Variants in USH2A observed in about 807,000 individuals in gnomAD.
USH2A encodes the protein Usher syndrome 2A (autosomal recessive, mild).
A neutral mutation model predicts 538.9 loss-of-function variants in USH2A; 443 were observed. The observed-to-expected ratio is 0.82, with a 90% CI of 0.76 to 0.89. USH2A has a LOEUF of 0.89. USH2A is among the 40% of genes least tolerant of loss of function. USH2A has a pLI of 0.00. For missense variants in USH2A, 6,633 were observed against 6,324.8 expected, an observed-to-expected ratio of 1.05 and a Z score of -1.65; for synonymous variants, 2,413 against 2,273.5, an observed-to-expected ratio of 1.06 and a Z score of -1.75.
At chr1:216,178,203 A>G (rs942696907) in intron 20 of USH2A, among the ~76,000 whole-genome samples, 1 of 152,222 alleles carries the variant, frequency 6.6e-6, no homozygotes, top group African/African-American at 2.4e-5. Flanking sequence ...TCATCAAGTT[A>G]GAAGGATAAT....
At chr1:215,950,938 T>C (rs1265559723) in intron 37 of USH2A, among the ~76,000 whole-genome samples, 1 of 152,208 alleles carries the variant, frequency 6.6e-6, no homozygotes, top group African/African-American at 2.4e-5. Context: ...TTGATTCTTC[T>C]CTCTTTTCTT....
intron 4 of USH2A, among the ~76,000 whole-genome samples, chr1:216,353,793 C>T (rs1022742396): frequency 2.6e-5 from 4 of 152,012 alleles, no homozygotes; most frequent in African/African-American, 9.7e-5. Flanking sequence ...AATCTAACAA[C>T]CAAAACAAGC....
intron 4 of USH2A, among the ~76,000 whole-genome samples, chr1:216,334,146 T>C (rs1212197837): frequency 6.6e-6 from 1 of 152,084 alleles, no homozygotes; most frequent in Non-Finnish European, 1.5e-5. Context: ...AATAATTATA[T>C]ATCTGTGTTG....
At chr1:216,074,508 CATATG>C (rs915334693) in intron 27 of USH2A, among the ~76,000 whole-genome samples, 5 of 152,220 alleles carry the variant, frequency 3.3e-5, no homozygotes, top group African/African-American at 9.6e-5. Flanking sequence ...CCTCAGCATT[CATATG>C]ATGTCTTATT....
chr1:215,994,976 G>A (rs995904986), intron 34 of USH2A, among the ~76,000 whole-genome samples: 1 of 152,044 alleles, frequency 6.6e-6, no homozygotes, highest in Non-Finnish European at 1.5e-5. Context: ...GCATTTTTCA[G>A]ATTTTTTTTC....
intron 61 of USH2A, among the ~76,000 whole-genome samples, chr1:215,710,415 A>G (rs985330719): frequency 2.0e-5 from 3 of 152,178 alleles, no homozygotes; most frequent in African/African-American, 7.2e-5. Context: ...AACTATGGCT[A>G]CTTCCACACT....
chr1:216,310,146 T>C (rs2037392593), intron 9 of USH2A, among the ~76,000 whole-genome samples: 2 of 152,154 alleles, frequency 1.3e-5, no homozygotes, highest in Non-Finnish European at 2.9e-5. Context: ...CTCAAAGTAG[T>C]TACTGGCATA....
intron 21 of USH2A, among the ~76,000 whole-genome samples, chr1:216,126,222 GTT>G (rs2033250839): frequency 3.3e-5 from 5 of 151,306 alleles, no homozygotes; most frequent in African/African-American, 1.2e-4. Flanking sequence ...TGTTGTTGTT[GTT>G]TTGTTTTTGT....
chr1:215,817,296 T>A lies in USH2A; in HGVS notation c.9372-101A>T, dbSNP rs545160736. 36 of 538,680 alleles carry A rather than the reference T, an allele frequency of 6.7e-5. 1 individual carries two copies. In the South Asian group the frequency reaches 1.3e-3, roughly 19 times the overall value. 33.4% of individuals were successfully genotyped at this position (538,680 alleles called of 1,614,324 possible). On this transcript the variant is annotated intron_variant, in intron 47 of 71. Transcript: ENST00000307340. ...TGGCAGCAATAGATACTAATATATA[T>A]ATATAATTATATATGTTTATATATG...
chr1:215,638,412 GAGTTCGAGACCT>G (rs1448693670), intron 69 of USH2A, among the ~76,000 whole-genome samples: 4 of 152,008 alleles, frequency 2.6e-5, no homozygotes, highest in Non-Finnish European at 5.9e-5. Flanking sequence ...CTGTGGTCAG[GAGTTCGAGACCT>G]CCCTGGCCAA....
intron 21 of USH2A, among the ~76,000 whole-genome samples, chr1:216,154,900 C>G (rs1261269497): frequency 7.1e-6 from 1 of 140,726 alleles, no homozygotes; most frequent in African/African-American, 2.7e-5. Flanking sequence ...TGTGTGCCAG[C>G]CTTTTGTATG....
intron 4 of USH2A, among the ~76,000 whole-genome samples, chr1:216,332,933 C>T (rs914002913): frequency 1.3e-5 from 2 of 151,940 alleles, no homozygotes; most frequent in Non-Finnish European, 2.9e-5. Context: ...ATGGCATATG[C>T]AAAGAAACTC....
intron 41 of USH2A, among the ~76,000 whole-genome samples, chr1:215,881,386 T>C (rs984773669): frequency 2.6e-5 from 4 of 152,166 alleles, no homozygotes; most frequent in African/African-American, 9.6e-5. Context: ...GTGATCCACC[T>C]GCCTTTGCCT....
intron 14 of USH2A, among the ~76,000 whole-genome samples, chr1:216,220,183 A>G (rs570842495): frequency 2.6e-5 from 4 of 152,060 alleles, no homozygotes; most frequent in African/African-American, 7.2e-5. Flanking sequence ...GATATATCCC[A>G]AGATATATAG....
chr1:215,635,327 C>T (rs1050172257), intron 69 of USH2A, among the ~76,000 whole-genome samples: 2 of 152,172 alleles, frequency 1.3e-5, no homozygotes, highest in Admixed American at 6.5e-5. Flanking sequence ...CCCAAATGCA[C>T]TGGGAAAGCT....
At chr1:215,749,996 T>C (rs1269616974) in intron 58 of USH2A, among the ~76,000 whole-genome samples, 6 of 151,914 alleles carry the variant, frequency 3.9e-5, no homozygotes, top group Non-Finnish European at 8.8e-5. Flanking sequence ...TTTTTCTCCA[T>C]GGCTTCATTT....
chr1:216,028,885 T>G (rs1571901228), intron 32 of USH2A, among the ~76,000 whole-genome samples: 1 of 152,102 alleles, frequency 6.6e-6, no homozygotes, highest in Non-Finnish European at 1.5e-5. Context: ...TAAAAAGTTG[T>G]AAAACAGTCT....
At chr1:216,168,093 C>T (rs540707869) in intron 21 of USH2A, among the ~76,000 whole-genome samples, 1 of 152,164 alleles carries the variant, frequency 6.6e-6, no homozygotes, top group African/African-American at 2.4e-5. Context: ...AAAACATACA[C>T]AAAATAATTC....
At chr1:216,143,918 T>C (rs2033646223) in intron 21 of USH2A, among the ~76,000 whole-genome samples, 1 of 152,112 alleles carries the variant, frequency 6.6e-6, no homozygotes, top group Non-Finnish European at 1.5e-5. Context: ...ATCTACTGAG[T>C]AGAAAAATAT....
Sources: gnomAD v4.1 joint callset for allele counts (sites outside exome capture counted in the v4.1 genomes callset) on GRCh38, gnomAD v4.1.1 for gene constraint, MANE v1.5 for transcripts, NCBI Gene and HGNC (gene_info 2026-07-23, HGNC 2026-07-21) for gene names.